The following CABLES1 variants were observed in gnomAD, a reference collection of about 807,000 sequenced individuals.
The protein encoded by CABLES1 is Cdk5 and Abl enzyme substrate 1.
In CABLES1, 36 loss-of-function variants were observed where a neutral mutation model predicts 57.8. The ratio of observed to expected loss-of-function variants is 0.62; its 90% confidence interval spans 0.48 to 0.82. The LOEUF (loss-of-function observed/expected upper bound fraction) is 0.82. Among genes scored for constraint, CABLES1 ranks in the 40% least tolerant of loss-of-function variants. The pLI is 0.00. For missense variants in CABLES1, 767 were observed against 836.6 expected, an observed-to-expected ratio of 0.92 and a Z score of 1.03; for synonymous variants, 374 against 363.0, an observed-to-expected ratio of 1.03 and a Z score of -0.35.
chr18:23,194,752 C>T (rs908169408), intron 3 of CABLES1, among the ~76,000 whole-genome samples: 4 of 152,138 alleles, frequency 2.6e-5, no homozygotes, highest in Non-Finnish European at 5.9e-5. Context: ...CTCTCTAAGG[C>T]GAAGTGAGAT....
intron 1 of CABLES1, among the ~76,000 whole-genome samples, chr18:23,159,713 AAC>A (rs2046989922): frequency 2.0e-5 from 3 of 152,238 alleles, no homozygotes; most frequent in African/African-American, 7.2e-5. Flanking sequence ...ATTAATAATT[AAC>A]ACACACGCAC....
chr18:23,250,940 C>T (rs1043234481), intron 7 of CABLES1, among the ~76,000 whole-genome samples: 2 of 152,202 alleles, frequency 1.3e-5, no homozygotes, highest in Admixed American at 1.3e-4. Context: ...GTGCTGGCTG[C>T]TTGCCTCCTC....
chr18:23,190,480 A>G (rs2047234255), intron 2 of CABLES1: 2 of 152,210 alleles, frequency 1.3e-5, no homozygotes, highest in African/African-American at 4.8e-5. Context: ...GAGCCTCGGG[A>G]TGCAGTGTCC....
intron 1 of CABLES1, among the ~76,000 whole-genome samples, chr18:23,138,172 A>G (rs563917819): frequency 6.6e-6 from 1 of 152,252 alleles, no homozygotes; most frequent in Non-Finnish European, 1.5e-5. Context: ...CTCCTGATGG[A>G]CAGATGTGTC....
rs1466453266 is a variant in CABLES1 at position 23,258,784 on chromosome 18, G to A, written c.*1417G>A. 2.0e-5 allele frequency: 3 copies of A among 152,294 alleles called. No homozygotes were observed. The highest frequency in any genetic ancestry group is 2.1e-4 in the South Asian group (1 of 4,816). The allele number at this position is 152,294 out of a possible 1,614,324, so 9.4% of individuals were successfully genotyped here. A position where few individuals can be genotyped will look rare whatever the true frequency, so the allele number is the denominator to read the frequency against. On this transcript the variant is annotated 3_prime_UTR_variant, in exon 10 of 10. Transcript: ENST00000256925. Reference sequence around the variant, plus strand: ...TCACACACCAGCCCAGAGAAAGGGCGATGGAACCGAACCGAGGGTCTGCAG... The same window carrying A: ...TCACACACCAGCCCAGAGAAAGGGCAATGGAACCGAACCGAGGGTCTGCAG...
chr18:23,234,934 T>A (rs2047592631), intron 5 of CABLES1, among the ~76,000 whole-genome samples: 1 of 152,266 alleles, frequency 6.6e-6, no homozygotes, highest in South Asian at 2.1e-4. Context: ...CAGTGCTGTT[T>A]ACAACTGAAT....
chr18:23,234,251 C>T (rs1261429401), intron 4 of CABLES1, among the ~76,000 whole-genome samples: 2 of 152,102 alleles, frequency 1.3e-5, no homozygotes, highest in Admixed American at 6.5e-5. Flanking sequence ...AAAGAAAGAA[C>T]CCAGCAGCTA....
chr18:23,219,997 G>A (rs12327104), intron 4 of CABLES1, among the ~76,000 whole-genome samples: 34,276 of 152,006 alleles, frequency 0.23, 4,224 homozygotes, highest in Middle Eastern at 0.3. Flanking sequence ...GAGGCTAGGG[G>A]CTTCATCACC....
chr18:23,229,445 C>T (rs531690254), intron 4 of CABLES1, among the ~76,000 whole-genome samples: 1 of 152,142 alleles, frequency 6.6e-6, no homozygotes, highest in Non-Finnish European at 1.5e-5. Flanking sequence ...AGTATTTGAA[C>T]ACTAGATGTG....
At chr18:23,208,514 A>AG (rs2047380985) in intron 3 of CABLES1, among the ~76,000 whole-genome samples, 4 of 152,220 alleles carry the variant, frequency 2.6e-5, no homozygotes, top group Admixed American at 6.5e-5. Context: ...AAAAGGGGTC[A>AG]GAGTGGAGCT....
In CABLES1 at chr18:23,175,664, G is replaced by T. The variant is rs146612911; in HGVS notation, c.846-13174G>T. Among the ~76,000 whole-genome samples, 525 of 152,230 alleles carry T rather than the reference G, an allele frequency of 3.4e-3. 1 individual carries two copies. Among genetic ancestry groups the T allele is most frequent in the Non-Finnish European group, 6.0e-3 (408 of 68,020 alleles). On this transcript the variant is annotated intron_variant, in intron 1 of 9. Coordinates refer to ENST00000256925, the MANE Select transcript of CABLES1 (RefSeq NM_001100619.3). ...GGGTTTTGCCATGTTGCCCAGGCTGGTCTCAAACTCCTGAGCTCAAGCCAT... is the reference window on the plus strand; with the variant it reads ...GGGTTTTGCCATGTTGCCCAGGCTGTTCTCAAACTCCTGAGCTCAAGCCAT...
At chr18:23,147,073 G>A (rs1328259301) in intron 1 of CABLES1, among the ~76,000 whole-genome samples, 1 of 152,210 alleles carries the variant, frequency 6.6e-6, no homozygotes, top group Non-Finnish European at 1.5e-5. Flanking sequence ...TGATTTTCAC[G>A]TGATAACCTC....
chr18:23,216,329 G>C (rs1274996747), intron 4 of CABLES1, among the ~76,000 whole-genome samples: 1 of 152,182 alleles, frequency 6.6e-6, no homozygotes, highest in Admixed American at 6.5e-5. Context: ...TCCCCAGTCT[G>C]TTCAGCCGTA....
rs1394087871 is a variant in CABLES1, at chr18:23,136,243, G to T, written c.481G>T (p.Gly161Trp). ...PGGHATVSGP[G>W]VARGFASPLG... is the part of the protein sequence containing the mutation. Reference sequence around the variant, plus strand: ...CGGCCATGCGACCGTGTCCGGCCCCGGGGTGGCGCGGGGGTTCGCGAGTCC... The same window carrying T: ...CGGCCATGCGACCGTGTCCGGCCCCTGGGTGGCGCGGGGGTTCGCGAGTCC... Residue 161 changes from glycine (G) to tryptophan (W), a missense_variant, in exon 1 of 10, where the codon GGG (glycine) becomes TGG (tryptophan). Coordinates refer to ENST00000256925, the MANE Select transcript of CABLES1 (RefSeq NM_001100619.3). 1.9e-5 allele frequency: 25 copies of T among 1,299,090 alleles called. No individual in the cohort carries two copies. The highest frequency in any genetic ancestry group is 2.2e-5 in the Non-Finnish European group (23 of 1,029,322). 80.5% of individuals were successfully genotyped at this position (1,299,090 alleles called of 1,614,324 possible). A position where few individuals can be genotyped will look rare whatever the true frequency, so the allele number is the denominator to read the frequency against.
chr18:23,246,594 T>C (rs953555228), intron 7 of CABLES1, among the ~76,000 whole-genome samples: 31 of 151,896 alleles, frequency 2.0e-4, no homozygotes, highest in Middle Eastern at 3.4e-3. Context: ...GGTTTCACCG[T>C]GTTAGCCAGG....
intron 1 of CABLES1, among the ~76,000 whole-genome samples, chr18:23,150,207 G>GTTTTTTTGTTTTTTTTTTTTTTGT (rs1555658965): frequency 9.4e-6 from 1 of 106,674 alleles, no homozygotes; most frequent in African/African-American, 4.1e-5. Context: ...GTTGGTGTTT[G>GTTTTTTTGTTTTTTTTTTTTTTGT]TTTTTTTTTT....
At chr18:23,188,814 C>A in intron 1 of CABLES1, 24 bp from the exon 2 acceptor site, 1 of 1,592,444 alleles carries the variant, frequency 6.3e-7, no homozygotes, top group South Asian at 1.1e-5. Context: ...TTTTAACTCC[C>A]AGATTTTTTC....
In CABLES1 at chr18:23,257,377, C is replaced by G; in HGVS notation, c.*10C>G. 6.3e-7 allele frequency: 1 copy of G among 1,581,768 alleles called. No homozygotes were observed. The highest frequency in any genetic ancestry group is 8.5e-7 in the Non-Finnish European group (1 of 1,169,684). ...GGTCCAGAGTTCCTAGCACTGGCCC[C>G]GAGGACAGCCAAGGGCCATTTCTTC... is the stretch of plus-strand genomic sequence containing the variant. On this transcript the variant is annotated 3_prime_UTR_variant, in exon 10 of 10. Transcript: ENST00000256925.
intron 4 of CABLES1, among the ~76,000 whole-genome samples, chr18:23,224,714 G>A (rs189322194): frequency 6.6e-6 from 1 of 150,970 alleles, no homozygotes; most frequent in Admixed American, 6.6e-5. Context: ...GATTACAGGT[G>A]CCCGCCACTA....
Sources: allele counts gnomAD v4.1 joint callset (sites outside exome capture counted in the v4.1 genomes callset), GRCh38; gene constraint gnomAD v4.1.1; transcripts MANE v1.5; gene names NCBI Gene and HGNC (gene_info 2026-07-23, HGNC 2026-07-21).